The following TMEM132E variants were observed in gnomAD, a reference collection of about 807,000 sequenced individuals.
TMEM132E encodes transmembrane protein 132E.
Under a neutral mutation model 78.5 loss-of-function variants are expected in TMEM132E, and 49 were observed. That is an observed-to-expected ratio of 0.62 (90% confidence interval 0.50 to 0.79). The LOEUF (loss-of-function observed/expected upper bound fraction) is 0.79, where lower values mean the gene tolerates loss of function less well. Among genes scored for constraint, TMEM132E ranks in the 30% least tolerant of loss-of-function variants. The pLI, the probability that TMEM132E is intolerant of heterozygous loss-of-function variation, is 0.00. For missense variants in TMEM132E, 1,403 were observed against 1,470.9 expected (o/e 0.95, Z 0.75); for synonymous variants, 715 against 670.6 (o/e 1.07, Z -1.02).
intron 1 of TMEM132E, among the ~76,000 whole-genome samples, chr17:34,582,362 C>T (rs1489414480): frequency 1.3e-5 from 2 of 151,978 alleles, no homozygotes; most frequent in African/African-American, 2.4e-5. Flanking sequence ...CCAGCGGCCT[C>T]TTTCACCCTG....
rs1905441924 is a variant in TMEM132E, at chr17:34,580,812, G to A, written c.-265G>A. 2.5e-6 allele frequency: 1 copy of A among 404,816 alleles called. No individual in the cohort carries two copies. The highest frequency in any genetic ancestry group is 3.9e-5 in the East Asian group (1 of 25,326). The allele number at this position is 404,816 out of a possible 1,614,324, so 25.1% of individuals were successfully genotyped here. A position where few individuals can be genotyped will look rare whatever the true frequency, so the allele number is the denominator to read the frequency against. On this transcript the variant is annotated 5_prime_UTR_variant, in exon 1 of 9. Transcript: ENST00000631683. ...CGTGCAGCTCCCCCCGCGCCTCGCA[G>A]ATCCTGCAGGGGGCACCAGCTGGGG...
Position 34,637,476 on chromosome 17 carries a change from C to T in TMEM132E, c.2469C>T (p.Asp823=), listed in dbSNP as rs769722270. The T allele has an allele frequency of 4.8e-5, 78 of 1,611,530 alleles. No individual in the cohort carries two copies. Among genetic ancestry groups the T allele is most frequent in the East Asian group, 1.3e-4 (6 of 44,852 alleles). ...GGGACGAGGAGGACCCCACTTATGA[C>T]TACCCGGGCCCCAGCCAACCAGGGC... ...FGRDEEDPTY[D]YPGPSQPGPG... The change falls in exon 9 of 9, where the codon GAC becomes GAT. Residue 823 remains aspartate, a synonymous_variant. Coordinates refer to ENST00000631683, the MANE Select transcript of TMEM132E (RefSeq NM_001304438.2).
intron 1 of TMEM132E, among the ~76,000 whole-genome samples, chr17:34,585,019 C>A (rs758714249): frequency 8.5e-5 from 13 of 152,234 alleles, no homozygotes; most frequent in African/African-American, 1.2e-4. Flanking sequence ...AGGAACACAG[C>A]AGGACAGGGT....
chr17:34,629,660 C>T (rs1286969750), intron 4 of TMEM132E, among the ~76,000 whole-genome samples: 1 of 151,908 alleles, frequency 6.6e-6, no homozygotes, highest in Non-Finnish European at 1.5e-5. Flanking sequence ...CTGGGGCCAG[C>T]CCAGGGCAGC....
At chr17:34,592,115 T>C (rs1286693111) in intron 1 of TMEM132E, among the ~76,000 whole-genome samples, 1 of 152,200 alleles carries the variant, frequency 6.6e-6, no homozygotes, top group Non-Finnish European at 1.5e-5. Context: ...TTTGTTTTGC[T>C]TGGGATTTTT....
intron 5 of TMEM132E, 55 bp downstream of exon 5, chr17:34,630,206 G>A: frequency 2.5e-6 from 4 of 1,569,988 alleles, no homozygotes; most frequent in Non-Finnish European, 2.6e-6. Flanking sequence ...CTTCAGGAGA[G>A]TAGAACCTCA....
chr17:34,612,920 G>A (rs1597684351), intron 1 of TMEM132E, among the ~76,000 whole-genome samples: 1 of 152,050 alleles, frequency 6.6e-6, no homozygotes, highest in Non-Finnish European at 1.5e-5. Flanking sequence ...TGTGAGGTTG[G>A]GGTGACACTC....
chr17:34,606,387 G>T (rs538938356), intron 1 of TMEM132E, among the ~76,000 whole-genome samples: 1 of 152,146 alleles, frequency 6.6e-6, no homozygotes, highest in Non-Finnish European at 1.5e-5. Flanking sequence ...GAGACTGATA[G>T]TTCAGTCTAC....
At chr17:34,628,970 G>A (rs2053529410) in intron 3 of TMEM132E, 42 bp from the exon 4 acceptor site, 2 of 1,517,440 alleles carry the variant, frequency 1.3e-6, no homozygotes, top group Admixed American at 2.2e-5. Context: ...GCTGCTCCCA[G>A]CCCTTCATCC....
Position 34,628,697 on chromosome 17 carries a change from C to T in TMEM132E, c.1133C>T (p.Pro378Leu), listed in dbSNP as rs757221283. 2 of 1,599,764 alleles carry T rather than the reference C, an allele frequency of 1.3e-6. No individual in the cohort carries two copies. The highest frequency in any genetic ancestry group is 1.7e-5 in the Admixed American group (1 of 57,558). The change falls in exon 3 of 9, where the codon CCC becomes CTC. Residue 378 changes from proline to leucine, a missense_variant. Pro to Leu is a moderately conservative substitution (Grantham distance 98). Coordinates refer to ENST00000631683, the MANE Select transcript of TMEM132E (RefSeq NM_001304438.2). ...GATGTGGCCTGGGCTCAGAGCACAC[C>T]CCTGCCCCCCAGGTGAGCCCGAGGT... ...TVDVAWAQST[P>L]LPPREGQGPL...
At chr17:34,599,105 G>C (rs1285162735) in intron 1 of TMEM132E, among the ~76,000 whole-genome samples, 1 of 152,236 alleles carries the variant, frequency 6.6e-6, no homozygotes, top group Non-Finnish European at 1.5e-5. Context: ...GCCCCAACTG[G>C]AGCAGTGCAA....
In TMEM132E at chr17:34,637,455, C is replaced by T. The variant is rs768738956; in HGVS notation, c.2448C>T (p.Asp816=). Residue 816 remains aspartate (D), a synonymous_variant, in exon 9 of 9, where the codon GAC becomes GAT. Transcript: ENST00000631683. ...GCCTGCGGGTGCACTTTGGGAGGGA[C>T]GAGGAGGACCCCACTTATGACTACC... ...PVGLRVHFGR[D]EEDPTYDYPG... is the part of the protein sequence containing the mutation. The T allele has an allele frequency of 6.2e-7, 1 of 1,613,262 alleles. No individual in the cohort carries two copies. The highest frequency in any genetic ancestry group is 1.1e-5 in the South Asian group (1 of 91,084).
intron 1 of TMEM132E, among the ~76,000 whole-genome samples, chr17:34,610,737 G>A (rs1906562825): frequency 6.6e-6 from 1 of 152,236 alleles, no homozygotes; most frequent in South Asian, 2.1e-4. Flanking sequence ...ACACACTCAA[G>A]AACAGGGAGC....
At chr17:34,588,703 G>A (rs1461849239) in intron 1 of TMEM132E, among the ~76,000 whole-genome samples, 2 of 152,102 alleles carry the variant, frequency 1.3e-5, no homozygotes, top group Non-Finnish European at 1.5e-5. Context: ...TTGAATAAGT[G>A]AATTATATAT....
At chr17:34,596,072 A>ACACACG (rs369148259) in intron 1 of TMEM132E, among the ~76,000 whole-genome samples, 4,796 of 149,236 alleles carry the variant, frequency 0.032, 236 homozygotes, top group South Asian at 0.11. Flanking sequence ...ACACACGCAC[A>ACACACG]ACTTGCATTC....
intron 1 of TMEM132E, among the ~76,000 whole-genome samples, chr17:34,608,793 T>C (rs1296915535): frequency 1.3e-5 from 2 of 152,146 alleles, no homozygotes; most frequent in East Asian, 3.9e-4. Context: ...GAAGAAGATA[T>C]CAATATCATC....
At chr17:34,632,491 C>A (rs934258397) in intron 5 of TMEM132E, among the ~76,000 whole-genome samples, 38 of 152,222 alleles carry the variant, frequency 2.5e-4, no homozygotes, top group African/African-American at 9.2e-4. Context: ...AAATCCTCCC[C>A]CAGTGGGCAC....
At chr17:34,584,055 G>C (rs1016679198) in intron 1 of TMEM132E, among the ~76,000 whole-genome samples, 1 of 152,192 alleles carries the variant, frequency 6.6e-6, no homozygotes, top group African/African-American at 2.4e-5. Context: ...GGATAAATCT[G>C]TTAGAGGGCT....
In TMEM132E at chr17:34,627,467, C is replaced by CTGTGTGTGTGT. The variant is rs3221613; in HGVS notation, c.998+410_998+411insTGTGTGTGTGT. On this transcript the variant is annotated intron_variant, in intron 2 of 8. Coordinates refer to ENST00000631683, the MANE Select transcript of TMEM132E (RefSeq NM_001304438.2). Reference sequence around the variant, plus strand: ...CCTCTTGGCTGGGAGCCAAAAGAATCGTGTGTGTGTGTGTGTGTGTGTGTG... The same window carrying CTGTGTGTGTGT: ...CCTCTTGGCTGGGAGCCAAAAGAATCTGTGTGTGTGTGTGTGTGTGTGTGTGTGTGTGTGTG... 4.0e-5 allele frequency among the ~76,000 whole-genome samples: 5 copies of CTGTGTGTGTGT among 126,540 alleles called. 1 individual carries two copies. In the South Asian group the frequency reaches 1.3e-3, roughly 33 times the overall value. 83.0% of individuals were successfully genotyped at this position (126,540 alleles called of 152,430 possible).
Sources: allele counts gnomAD v4.1 joint callset (sites outside exome capture counted in the v4.1 genomes callset), GRCh38; gene constraint gnomAD v4.1.1; transcripts MANE v1.5; gene names NCBI Gene and HGNC (gene_info 2026-07-23, HGNC 2026-07-21).